PIR: variants seen among roughly 807,000 people sequenced by gnomAD.
The protein encoded by PIR is pirin (iron-binding nuclear protein).
A neutral mutation model predicts 24.2 loss-of-function variants in PIR; 22 were observed. The ratio of observed to expected loss-of-function variants is 0.91; its 90% CI spans 0.65 to 1.30. The LOEUF (loss-of-function observed/expected upper bound fraction) is 1.30, where lower values mean the gene tolerates loss of function less well. PIR is among the 50% of genes most tolerant of loss of function. PIR has a pLI of 0.00. For missense variants in PIR, 220 were observed against 220.3 expected, an observed-to-expected ratio of 1.00 and a Z score of 0.01; for synonymous variants, 80 against 79.6, an observed-to-expected ratio of 1.00 and a Z score of -0.03.
chrX:15,451,531 T>G (rs375714507), intron 5 of PIR, among the ~76,000 whole-genome samples: 83 of 111,981 alleles, frequency 7.4e-4, no homozygotes, highest in African/African-American at 2.5e-3. Flanking sequence ...ATTTTAAGCT[T>G]ATTTCACTCA....
At chrX:15,472,270 G>A (rs1383083675) in intron 3 of PIR, among the ~76,000 whole-genome samples, 1 of 112,013 alleles carries the variant, frequency 8.9e-6, no homozygotes, top group Non-Finnish European at 1.9e-5. Context: ...AGGGTTCAGC[G>A]AAAACCAATA....
chrX:15,472,178 C>A (rs891460973), intron 3 of PIR, among the ~76,000 whole-genome samples: 1 of 111,412 alleles, frequency 9.0e-6, no homozygotes, highest in Non-Finnish European at 1.9e-5. Context: ...GGCTGGTATG[C>A]GAAGAAGAAA....
rs574465522 is a variant in PIR at position 15,444,087 on chromosome X, C to G, written c.480+11761G>C. Among the ~76,000 whole-genome samples, 39 of 112,423 alleles carry G rather than the reference C, an allele frequency of 3.5e-4. No individual in the cohort carries two copies. In the South Asian group the frequency reaches 0.013, roughly 39 times the overall value. ...GACTCCAATTTTGAAAGAAGTTCCACTGTGGGTAAAATATAATCGAACAGC... is the reference window on the plus strand; with the variant it reads ...GACTCCAATTTTGAAAGAAGTTCCAGTGTGGGTAAAATATAATCGAACAGC... On this transcript the variant is annotated intron_variant, in intron 5 of 9. Coordinates refer to ENST00000380420, the MANE Select transcript of PIR (RefSeq NM_001018109.3).
At chrX:15,396,241 C>T (rs1229827271) in intron 8 of PIR, among the ~76,000 whole-genome samples, 3 of 111,663 alleles carry the variant, frequency 2.7e-5, no homozygotes, top group Non-Finnish European at 5.6e-5. Context: ...GGCACTGACC[C>T]TGACATATGC....
At chrX:15,418,701 G>A (rs1450811495) in intron 6 of PIR, among the ~76,000 whole-genome samples, 1 of 111,860 alleles carries the variant, frequency 8.9e-6, no homozygotes, top group Non-Finnish European at 1.9e-5. Flanking sequence ...GGTAAAAATC[G>A]ATTCAAATAG....
At chrX:15,443,128 A>C (rs1042103467) in intron 5 of PIR, among the ~76,000 whole-genome samples, 2 of 112,098 alleles carry the variant, frequency 1.8e-5, no homozygotes, top group African/African-American at 6.5e-5. Context: ...TTTAAGTTGA[A>C]GCCAGTGTTC....
At chrX:15,434,860 A>C (rs973210364) in intron 5 of PIR, among the ~76,000 whole-genome samples, 1 of 111,413 alleles carries the variant, frequency 9.0e-6, no homozygotes. Flanking sequence ...TTCCCCATCC[A>C]AAGATCATAT....
intron 4 of PIR, among the ~76,000 whole-genome samples, 170 bp downstream of exon 4, chrX:15,459,487 T>C (rs1921211092): frequency 8.9e-6 from 1 of 111,788 alleles, no homozygotes; most frequent in African/African-American, 3.3e-5. Flanking sequence ...AAGAAGAATA[T>C]AAGAGACCTG....
rs34149789 is a variant in PIR at position 15,491,190 on chromosome X, C to G, written c.68G>C (p.Arg23Thr). 938 of 1,205,184 alleles carry G rather than the reference C, an allele frequency of 7.8e-4. 3 individuals are homozygous for G. In the African/African-American group the frequency reaches 0.015, roughly 19 times the overall value. ...GGGTCTGCCAATGCTTCTCCGGACC[C>G]TCGCTCCAACCCCTTCCGACTGCTC... is the stretch of plus-strand genomic sequence containing the variant. Reference protein sequence around the residue: ...SREQSEGVGARVRRSIGRPEL... With the variant: ...SREQSEGVGATVRRSIGRPEL... Residue 23 changes from arginine to threonine, a missense_variant, in exon 2 of 10, where the codon AGG (arginine) becomes ACG (threonine). Physicochemically the swap from Arg to Thr is moderately conservative, Grantham distance 71 (BLOSUM62 -1). Coordinates refer to ENST00000380420, the MANE Select transcript of PIR (RefSeq NM_001018109.3).
At chrX:15,448,816 T>C (rs1186283264) in intron 5 of PIR, among the ~76,000 whole-genome samples, 1 of 112,012 alleles carries the variant, frequency 8.9e-6, no homozygotes, top group Admixed American at 9.5e-5. Flanking sequence ...CAAGCAGAAT[T>C]GATTCTCCCT....
intron 3 of PIR, among the ~76,000 whole-genome samples, chrX:15,462,663 TAGTCTTTTTTCACATGAAAATTCAAAAA>T (rs1197601605): frequency 8.9e-6 from 1 of 112,486 alleles, no homozygotes; most frequent in Admixed American, 9.4e-5. Flanking sequence ...TAGACCTAAA[TAGTCTTTTTTCACATGAAAATTCAAAAA>T]TTTGTTTTAA....
intron 3 of PIR, among the ~76,000 whole-genome samples, chrX:15,475,110 A>C (rs2046882483): frequency 2.7e-5 from 3 of 110,277 alleles, no homozygotes; most frequent in African/African-American, 9.9e-5. Context: ...GCTAGAAAAA[A>C]AAAACAGGCT....
chrX:15,473,703 C>A (rs1386045181), intron 3 of PIR, among the ~76,000 whole-genome samples: 1 of 110,948 alleles, frequency 9.0e-6, no homozygotes, highest in African/African-American at 3.3e-5. Context: ...ATTACAGGCG[C>A]CTGCCACCAC....
At chrX:15,419,813 T>C (rs1433251592) in intron 6 of PIR, among the ~76,000 whole-genome samples, 1 of 109,307 alleles carries the variant, frequency 9.1e-6, no homozygotes, top group Non-Finnish European at 1.9e-5. Flanking sequence ...GGAGAATCGC[T>C]TGAACCCGGG....
chrX:15,437,625 C>T (rs780448128), intron 5 of PIR, among the ~76,000 whole-genome samples: 4 of 112,091 alleles, frequency 3.6e-5, no homozygotes, highest in Non-Finnish European at 7.5e-5. Context: ...CCAAAATGAA[C>T]AAAATTTTAG....
chrX:15,455,785 A>T (rs1187081710), intron 5 of PIR, 63 bp downstream of exon 5: 69 of 931,454 alleles, frequency 7.4e-5, no homozygotes, highest in Non-Finnish European at 1.0e-4. Flanking sequence ...CTAACAATCC[A>T]GAAGGGGCCA....
chrX:15,463,405 T>C (rs1377858040), intron 3 of PIR, among the ~76,000 whole-genome samples: 1 of 112,306 alleles, frequency 8.9e-6, no homozygotes, highest in East Asian at 2.8e-4. Context: ...GACGTTTTTA[T>C]ATTGCAGATT....
chrX:15,388,828 A>C (rs1193494755), intron 9 of PIR, among the ~76,000 whole-genome samples: 4 of 112,494 alleles, frequency 3.6e-5, no homozygotes, highest in Non-Finnish European at 7.5e-5. Flanking sequence ...ACACATAAGT[A>C]AAAGAAAAAC....
intron 6 of PIR, among the ~76,000 whole-genome samples, chrX:15,417,583 C>T (rs1461528647): frequency 1.8e-5 from 2 of 111,215 alleles, no homozygotes; most frequent in East Asian, 5.6e-4. Flanking sequence ...TTTAAAGTAA[C>T]AAAAATTTTT....
Sources: allele counts gnomAD v4.1 joint callset (sites outside exome capture counted in the v4.1 genomes callset), GRCh38; gene constraint gnomAD v4.1.1; transcripts MANE v1.5; gene names NCBI Gene and HGNC (gene_info 2026-07-23, HGNC 2026-07-21).